Variants in CUX1 observed in about 807,000 individuals in gnomAD.
The protein encoded by CUX1 is protein CASP.
Under a neutral mutation model 158.8 loss-of-function variants are expected in CUX1, and 31 were observed. The observed-to-expected ratio is 0.20, with a 90% CI of 0.15 to 0.26. The LOEUF is 0.26. CUX1 is among the 10% of genes least tolerant of loss of function. The pLI is 1.00. For missense variants in CUX1, 1,589 were observed against 2,014.6 expected (o/e 0.79, Z 4.04); for synonymous variants, 879 against 862.1 (o/e 1.02, Z -0.34).
At chr7:102,177,169 T>A (rs1234124620) in intron 10 of CUX1, among the ~76,000 whole-genome samples, 8 of 151,882 alleles carry the variant, frequency 5.3e-5, no homozygotes, top group Non-Finnish European at 1.0e-4. Context: ...ATCCCAGCAC[T>A]TTGGGAGGCC....
At chr7:102,232,652 C>T (rs1412569385) in intron 21 of CUX1, among the ~76,000 whole-genome samples, 4 of 152,146 alleles carry the variant, frequency 2.6e-5, no homozygotes, top group Non-Finnish European at 4.4e-5. Flanking sequence ...TCTTTACAAG[C>T]GGTGGCCCTC....
At chr7:101,897,183 C>T (rs1047200045) in intron 1 of CUX1, among the ~76,000 whole-genome samples, 1 of 152,212 alleles carries the variant, frequency 6.6e-6, no homozygotes, top group Non-Finnish European at 1.5e-5. Flanking sequence ...ACTCTCTCTT[C>T]CCATCTCTGT....
At chr7:102,065,781 G>A (rs1351851248) in intron 3 of CUX1, among the ~76,000 whole-genome samples, 7 of 151,898 alleles carry the variant, frequency 4.6e-5, no homozygotes, top group Admixed American at 2.0e-4. Flanking sequence ...ATGGATACAC[G>A]TGGAGTGGTT....
chr7:102,116,512 G>A (rs1243107479), intron 8 of CUX1, among the ~76,000 whole-genome samples: 2 of 152,110 alleles, frequency 1.3e-5, no homozygotes, highest in African/African-American at 2.4e-5. Context: ...GAGCATGGCA[G>A]TGTGCACCTG....
chr7:101,976,124 C>A (rs917000503), intron 2 of CUX1, among the ~76,000 whole-genome samples: 5 of 152,106 alleles, frequency 3.3e-5, no homozygotes, highest in African/African-American at 1.2e-4. Flanking sequence ...AGAGAGAGAC[C>A]CCATCTCTAA....
chr7:101,932,482 GC>G (rs1484970632), intron 2 of CUX1: 2 of 421,372 alleles, frequency 4.7e-6, no homozygotes, highest in Non-Finnish European at 9.8e-6. Context: ...GCTTACGAGC[GC>G]AGCATTTTCA....
chr7:101,857,502 T>C (rs1366888909), intron 1 of CUX1, among the ~76,000 whole-genome samples: 1 of 152,206 alleles, frequency 6.6e-6, no homozygotes, highest in Non-Finnish European at 1.5e-5. Context: ...TGTTTTGAAT[T>C]AAAGCAGCGC....
chr7:101,914,355 CTTCCT>C (rs1584963934), intron 1 of CUX1, among the ~76,000 whole-genome samples: 2 of 136,924 alleles, frequency 1.5e-5, no homozygotes, highest in East Asian at 5.0e-4. Context: ...TTCCTTCTTC[CTTCCT>C]TCCTTCCTTC....
chr7:102,186,367 T>C (rs1554515269), intron 11 of CUX1, among the ~76,000 whole-genome samples: 1 of 152,056 alleles, frequency 6.6e-6, no homozygotes, highest in Non-Finnish European at 1.5e-5. Flanking sequence ...ATAGAAGGTT[T>C]ACAGAAGAGA....
At chr7:101,831,183 T>G (rs1286652920) in intron 1 of CUX1, among the ~76,000 whole-genome samples, 2 of 152,168 alleles carry the variant, frequency 1.3e-5, no homozygotes, top group African/African-American at 2.4e-5. Context: ...AAAGACTTCC[T>G]TAGGCTGTTG....
At chr7:101,840,672 T>G (rs1363504871) in intron 1 of CUX1, among the ~76,000 whole-genome samples, 1 of 152,164 alleles carries the variant, frequency 6.6e-6, no homozygotes, top group Non-Finnish European at 1.5e-5. Flanking sequence ...TATAATTTTC[T>G]TATTCAGTTG....
intron 2 of CUX1, among the ~76,000 whole-genome samples, chr7:101,930,102 A>G (rs972940717): frequency 1.3e-5 from 2 of 152,224 alleles, no homozygotes; most frequent in Non-Finnish European, 2.9e-5. Flanking sequence ...TTGGCCTCCC[A>G]AAGTGCTGGG....
chr7:102,241,109 C>T (rs949149776), intron 23 of CUX1, among the ~76,000 whole-genome samples: 2 of 152,262 alleles, frequency 1.3e-5, no homozygotes, highest in East Asian at 1.9e-4. Flanking sequence ...CATGAGCCAC[C>T]GCACCCAGCC....
In CUX1 at chr7:102,201,916, C is replaced by T. The variant is rs1554519921; in HGVS notation, c.2619C>T (p.Pro873=). 1.9e-6 allele frequency: 3 copies of T among 1,614,030 alleles called. No individual in the cohort carries two copies. Among genetic ancestry groups the T allele is most frequent in the Admixed American group, 3.3e-5 (2 of 60,022 alleles). The part of the protein sequence containing the change: ...PRAERSQLQG[P]SSSEYWKEWP... ...CCGAGCGCAGTCAGCTCCAGGGACC[C>T]TCGTCGTCAGAGTACTGGAAGGAGT... The change falls in exon 18 of 24, where the codon CCC becomes CCT. Residue 873 remains proline (P), a synonymous_variant. Coordinates refer to ENST00000292535, the MANE Select transcript of CUX1 (RefSeq NM_181552.4). This position sits in a 1 kb window ranked among gnomAD's most constrained non-coding sequence, Gnocchi z 5.0.
At chr7:102,100,703 A>G (rs1829678678) in intron 5 of CUX1, among the ~76,000 whole-genome samples, 1 of 152,286 alleles carries the variant, frequency 6.6e-6, no homozygotes, top group East Asian at 1.9e-4. Context: ...ACAATGGCTC[A>G]TGCCTATAAT....
intron 23 of CUX1, among the ~76,000 whole-genome samples, chr7:102,242,999 T>G (rs576062901): frequency 5.3e-5 from 8 of 152,074 alleles, no homozygotes; most frequent in Non-Finnish European, 8.8e-5. Flanking sequence ...CTGGGCTGGG[T>G]GTGGTAGCTT....
At chr7:102,038,883 A>T (rs1821737449) in intron 3 of CUX1, among the ~76,000 whole-genome samples, 1 of 152,146 alleles carries the variant, frequency 6.6e-6, no homozygotes, top group Admixed American at 6.6e-5. Flanking sequence ...TGAGCCTGGG[A>T]GTTGGAGGCT....
At position 102,115,825 on chromosome 7, in the gene CUX1, A is replaced by G. The variant is rs200915402; in HGVS notation, c.674+552A>G. On this transcript the variant is annotated intron_variant, in intron 8 of 23. Coordinates refer to ENST00000292535, the MANE Select transcript of CUX1 (RefSeq NM_181552.4). ...CTACAAGTGTACTTTTTACCCGCCCATCTTTCATGCAGAACACCAGCAAGG... is the reference window on the plus strand; with the variant it reads ...CTACAAGTGTACTTTTTACCCGCCCGTCTTTCATGCAGAACACCAGCAAGG... Among the ~76,000 whole-genome samples the G allele has an allele frequency of 2.6e-4, 40 of 152,278 alleles. No individual in the cohort carries two copies. The East Asian group carries it at 6.6e-3, about 25-fold the overall frequency.
chr7:101,859,605 C>T (rs945829537), intron 1 of CUX1, among the ~76,000 whole-genome samples: 4 of 152,080 alleles, frequency 2.6e-5, no homozygotes, highest in East Asian at 1.9e-4. Flanking sequence ...GTCATCAGAA[C>T]GTTTGGAAAT....
Sources: gnomAD v4.1 joint callset for allele counts (sites outside exome capture counted in the v4.1 genomes callset) on GRCh38, gnomAD v4.1.1 for gene constraint, Gnocchi (gnomAD v3.1) non-coding constraint, MANE v1.5 for transcripts, NCBI Gene and HGNC (gene_info 2026-07-23, HGNC 2026-07-21) for gene names.